Variants in NISCH observed in about 807,000 individuals in gnomAD.
The protein encoded by NISCH is I-1 receptor candidate protein.
A neutral mutation model predicts 138.4 loss-of-function variants in NISCH; 55 were observed. That is an observed-to-expected ratio of 0.40 (90% confidence interval 0.32 to 0.50). The LOEUF is 0.50. NISCH is among the 20% of genes least tolerant of loss of function. The pLI, the probability that NISCH is intolerant of heterozygous loss-of-function variation, is 0.71. For synonymous variants in NISCH, 860 were observed against 861.5 expected (o/e 1.00, Z 0.03); for missense variants, 1,643 against 2,005.5 (o/e 0.82, Z 3.45).
intron 4 of NISCH, chr3:52,471,549 T>C: frequency 1.8e-6 from 1 of 555,858 alleles, no homozygotes; most frequent in East Asian, 3.1e-5. Context: ...GCCTTTGGTC[T>C]CGACTCGGCC....
At chr3:52,474,100 T>A (rs1707030558) in intron 7 of NISCH, among the ~76,000 whole-genome samples, 1 of 151,986 alleles carries the variant, frequency 6.6e-6, no homozygotes, top group Non-Finnish European at 1.5e-5. Context: ...AAAAATGTCA[T>A]TGGTGTTTTT....
At chr3:52,483,015 G>A (rs1022612394) in intron 13 of NISCH, among the ~76,000 whole-genome samples, 3 of 152,222 alleles carry the variant, frequency 2.0e-5, no homozygotes, top group Non-Finnish European at 2.9e-5. Flanking sequence ...TGCAGTGGAG[G>A]TGGTGTCTGA....
At chr3:52,460,778 T>C (rs1706610679) in intron 3 of NISCH, among the ~76,000 whole-genome samples, 1 of 152,218 alleles carries the variant, frequency 6.6e-6, no homozygotes, top group Non-Finnish European at 1.5e-5. Flanking sequence ...GGTTTACGTA[T>C]ACCAAAATGC....
intron 3 of NISCH, chr3:52,470,637 C>T: frequency 3.4e-6 from 2 of 593,056 alleles, no homozygotes; most frequent in Non-Finnish European, 6.0e-6. Flanking sequence ...GGCTGATTTC[C>T]CTTCTGCTTT....
Position 52,465,254 on chromosome 3 carries a change from C to CA in NISCH, c.361-5603dup, listed in dbSNP as rs1222786561. Among the ~76,000 whole-genome samples the CA allele has an allele frequency of 7.2e-5, 11 of 152,276 alleles. No individual in the cohort carries two copies. The East Asian group carries it at 2.1e-3, about 29-fold the overall frequency. Reference sequence around the variant, plus strand: ...AAGCACTCCTCCCACCTCAACCCCCCAAGTAGCTGGGACTACAGGCATATG... The same window carrying CA: ...AAGCACTCCTCCCACCTCAACCCCCCAAAGTAGCTGGGACTACAGGCATATG... On this transcript the variant is annotated intron_variant, in intron 3 of 20. Coordinates refer to ENST00000345716, the MANE Select transcript of NISCH (RefSeq NM_007184.4).
intron 4 of NISCH, chr3:52,471,581 C>T (rs1706947931): frequency 3.5e-6 from 2 of 577,508 alleles, no homozygotes; most frequent in South Asian, 4.2e-5. Context: ...TCAGTGGCTC[C>T]CCAGCCTCAC....
At chr3:52,477,791 G>A (rs1707147118) in intron 9 of NISCH, 149 bp downstream of exon 9, 1 of 685,498 alleles carries the variant, frequency 1.5e-6, no homozygotes, top group Admixed American at 2.5e-5. Context: ...AATGCACTGA[G>A]TGATTGTTGC....
intron 11 of NISCH, 112 bp downstream of exon 11, chr3:52,478,689 A>G (rs2153231372): frequency 9.7e-7 from 1 of 1,027,244 alleles, no homozygotes; most frequent in Non-Finnish European, 1.5e-6. Context: ...TGCTTCAGAA[A>G]GAGGTCCTGT....
intron 3 of NISCH, among the ~76,000 whole-genome samples, chr3:52,464,626 G>A (rs1460130713): frequency 1.5e-5 from 2 of 136,444 alleles, no homozygotes; most frequent in African/African-American, 5.4e-5. Flanking sequence ...TGGGGTTCAA[G>A]CGATTCTCGT....
intron 13 of NISCH, 140 bp downstream of exon 13, chr3:52,480,435 T>A (rs1268727106): frequency 6.5e-7 from 1 of 1,544,546 alleles, no homozygotes; most frequent in East Asian, 2.4e-5. Context: ...TTCTGCAGGC[T>A]GGTCCTCGCG....
At position 52,480,204 on chromosome 3, in the gene NISCH, C is replaced by T. The variant is rs1165399450; in HGVS notation, c.1437C>T (p.Leu479=). ...PEKKGGEDSR[L]SAAPCIRPSS... The stretch of plus-strand genomic sequence containing the variant: ...CTCAGGGTGGTGAAGACTCCCGGCT[C>T]TCAGCTGCCCCCTGCATCAGACCCA... The change falls in exon 13 of 21, where the codon CTC becomes CTT. Residue 479 remains leucine, a synonymous_variant. Transcript: ENST00000345716. 6.2e-7 allele frequency: 1 copy of T among 1,613,982 alleles called. No homozygotes were observed. The highest frequency in any genetic ancestry group is 1.1e-5 in the South Asian group (1 of 91,084).
At chr3:52,488,732 C>G in intron 16 of NISCH, 127 bp downstream of exon 16, 1 of 795,688 alleles carries the variant, frequency 1.3e-6, no homozygotes, top group Non-Finnish European at 1.9e-6. Context: ...CCCTGCCCCT[C>G]GCCCCCCCCG....
chr3:52,470,879 G>A lies in NISCH; in HGVS notation c.381G>A (p.Ala127=), dbSNP rs139351379. ...FHFYEINGIT[A]ALAEELFEKG... ...TGCAGGAGATAAATGGCATCACCGC[G>A]GCACTGGCTGAAGAGCTCTTTGAGA... Residue 127 remains alanine, a synonymous_variant, in exon 4 of 21, where the codon GCG becomes GCA. Transcript: ENST00000345716. 1,628 of 1,614,086 alleles carry A rather than the reference G, an allele frequency of 1.0e-3. 1 individual carries two copies. The highest frequency in any genetic ancestry group is 2.4e-3 in the Admixed American group (146 of 60,010).
chr3:52,489,545 G>GT lies in NISCH; in HGVS notation c.3324dup (p.Glu1109Ter). ...GCCGAGGCCCCTGCCCAGTACCCGA[G>GT]TGAGCACCTCATCCAGGCCACCTCG... On this transcript the variant is annotated frameshift_variant, in exon 17 of 21. Transcript: ENST00000345716. LOFTEE classifies it high-confidence loss of function. 6.2e-7 allele frequency: 1 copy of GT among 1,613,246 alleles called. No individual in the cohort carries two copies. Among genetic ancestry groups the GT allele is most frequent in the Non-Finnish European group, 8.5e-7 (1 of 1,180,002 alleles).
intron 3 of NISCH, among the ~76,000 whole-genome samples, chr3:52,462,056 A>T (rs1208965853): frequency 6.6e-6 from 1 of 151,988 alleles, no homozygotes; most frequent in African/African-American, 2.4e-5. Context: ...GCTCTTTTGA[A>T]ACTGGTTTGC....
At chr3:52,481,393 G>T (rs1484753803) in intron 13 of NISCH, 6 of 987,294 alleles carry the variant, frequency 6.1e-6, no homozygotes, top group Non-Finnish European at 7.2e-6. Context: ...TGGAGCGATG[G>T]GGTTAGGTGC....
chr3:52,485,703 C>G, intron 14 of NISCH, 75 bp from the exon 15 acceptor site: 2 of 1,503,920 alleles, frequency 1.3e-6, no homozygotes, highest in Non-Finnish European at 1.8e-6. Context: ...ATGCCCAGCT[C>G]AGGGTCTGGC....
intron 20 of NISCH, 146 bp downstream of exon 20, chr3:52,491,659 G>C: frequency 5.5e-6 from 6 of 1,095,064 alleles, no homozygotes; most frequent in Non-Finnish European, 7.7e-6. Flanking sequence ...GGGGCTTTTC[G>C]ATGGCAGAGT....
intron 4 of NISCH, 126 bp from the exon 5 acceptor site, chr3:52,471,679 TGCCCAGGGC>T: frequency 1.0e-6 from 1 of 993,060 alleles, no homozygotes; most frequent in Middle Eastern, 2.6e-4. Flanking sequence ...AGCTCCTGCA[TGCCCAGGGC>T]GCTGGCTTTG....
Sources: gnomAD v4.1 joint callset for allele counts (sites outside exome capture counted in the v4.1 genomes callset) on GRCh38, gnomAD v4.1.1 for gene constraint, MANE v1.5 for transcripts, NCBI Gene and HGNC (gene_info 2026-07-23, HGNC 2026-07-21) for gene names.